GHR: variants seen among roughly 807,000 people sequenced by gnomAD.
GHR encodes the protein growth hormone receptor.
Under a neutral mutation model 67.1 loss-of-function variants are expected in GHR, and 35 were observed. That is an observed-to-expected ratio of 0.52 (90% CI 0.40 to 0.69). GHR has a LOEUF of 0.69. Among genes scored for constraint, GHR ranks in the 30% least tolerant of loss-of-function variants. GHR has a pLI of 0.00. For missense variants in GHR, 792 were observed against 764.6 expected (o/e 1.04, Z -0.42); for synonymous variants, 272 against 269.1 (o/e 1.01, Z -0.10).
Position 42,668,745 on chromosome 5 carries a change from C to A in GHR, c.137-20145C>A, listed in dbSNP as rs374906896. On this transcript the variant is annotated intron_variant, in intron 3 of 9. Coordinates refer to ENST00000230882, the MANE Select transcript of GHR (RefSeq NM_000163.5). ...TTATCTTTGTATTTGTCATCTTGGT[C>A]ATTCTCTTTATAAAAATAGAGGTAT... is the stretch of plus-strand genomic sequence containing the variant. Among the ~76,000 whole-genome samples, 15 of 152,178 alleles carry A rather than the reference C, an allele frequency of 9.9e-5. No homozygotes were observed. In the East Asian group the frequency reaches 1.7e-3, roughly 18 times the overall value.
intron 2 of GHR, among the ~76,000 whole-genome samples, chr5:42,574,103 A>G (rs1312682906): frequency 4.6e-5 from 7 of 152,302 alleles, no homozygotes; most frequent in Admixed American, 3.3e-4. Flanking sequence ...TCTACATGCC[A>G]CTGACCCACT....
chr5:42,512,625 G>T (rs1239502249), intron 1 of GHR, among the ~76,000 whole-genome samples: 2 of 152,016 alleles, frequency 1.3e-5, no homozygotes, highest in Non-Finnish European at 2.9e-5. Context: ...CAACCTACTT[G>T]TTTATGTGTC....
chr5:42,446,557 A>G lies in GHR; in HGVS notation c.-12+22602A>G, dbSNP rs182905681. 1.7e-4 allele frequency among the ~76,000 whole-genome samples: 26 copies of G among 152,342 alleles called. 1 individual carries two copies. The East Asian group carries it at 4.8e-3, about 28-fold the overall frequency. ...ATTTCTTATGTCAGTAAGTAACATGATCAGATTTGTTATTTTAGCAAGACA... is the reference window on the plus strand; with the variant it reads ...ATTTCTTATGTCAGTAAGTAACATGGTCAGATTTGTTATTTTAGCAAGACA... On this transcript the variant is annotated intron_variant, in intron 1 of 9. Transcript: ENST00000230882.
At chr5:42,450,155 C>T (rs1743985040) in intron 1 of GHR, among the ~76,000 whole-genome samples, 1 of 152,130 alleles carries the variant, frequency 6.6e-6, no homozygotes, top group African/African-American at 2.4e-5. Context: ...ATACTGGCTT[C>T]ATAGAATGAT....
chr5:42,506,292 C>G (rs1372020681), intron 1 of GHR, among the ~76,000 whole-genome samples: 3 of 151,722 alleles, frequency 2.0e-5, no homozygotes, highest in Non-Finnish European at 4.4e-5. Flanking sequence ...TGAGATGGAC[C>G]CTCTTATGAT....
rs1158830359 is a variant in GHR, at chr5:42,424,171, A to AGTGTGTGTGTGTGTGTGTGTGTGT, written c.-12+241_-12+264dup. Among the ~76,000 whole-genome samples, 9 of 100,578 alleles carry AGTGTGTGTGTGTGTGTGTGTGTGT rather than the reference A, an allele frequency of 8.9e-5. No homozygotes were observed. The highest frequency in any genetic ancestry group is 1.7e-4 in the African/African-American group (4 of 24,226). 66.0% of individuals were successfully genotyped at this position (100,578 alleles called of 152,430 possible). A position where few individuals can be genotyped will look rare whatever the true frequency, so the allele number is the denominator to read the frequency against. ...CTGGTGGGTTGTTGTAACCCAATCT[A>AGTGTGTGTGTGTGTGTGTGTGTGT]GTGTGTGTGTGTGTGTGTGTGTGTG... On this transcript the variant is annotated intron_variant, in intron 1 of 9. Transcript: ENST00000230882. The surrounding 1 kb of genome is among the most constrained non-coding windows in gnomAD (Gnocchi z 4.1).
At chr5:42,467,586 A>T in intron 1 of GHR, 1 of 1,593,128 alleles carries the variant, frequency 6.3e-7, no homozygotes, top group Non-Finnish European at 8.6e-7. Context: ...TTTGATATAC[A>T]GTCAGATTTG....
chr5:42,575,748 AAG>A (rs1296414568), intron 2 of GHR, among the ~76,000 whole-genome samples: 3 of 151,634 alleles, frequency 2.0e-5, no homozygotes, highest in Non-Finnish European at 4.4e-5. Context: ...AAAAAAGGTA[AAG>A]AGGGGCTGGG....
intron 1 of GHR, among the ~76,000 whole-genome samples, chr5:42,499,683 G>A (rs1348116265): frequency 1.3e-5 from 2 of 152,222 alleles, no homozygotes; most frequent in African/African-American, 4.8e-5. Flanking sequence ...AGGGAATCAA[G>A]TTCAGGAGGG....
At chr5:42,699,333 G>A (rs1010050541) in intron 5 of GHR, among the ~76,000 whole-genome samples, 3 of 31,528 alleles carry the variant, frequency 9.5e-5, no homozygotes, top group Admixed American at 6.6e-4. Context: ...AGGCAAAGAT[G>A]AGTCAGGGAA....
At chr5:42,716,182 AC>A (rs11343051) in intron 8 of GHR, among the ~76,000 whole-genome samples, 345 of 151,542 alleles carry the variant, frequency 2.3e-3, no homozygotes, top group African/African-American at 7.3e-3. Context: ...AAAAAAAAAA[AC>A]AAAACAGCGA....
intron 2 of GHR, among the ~76,000 whole-genome samples, chr5:42,618,636 A>G (rs1158294700): frequency 6.6e-6 from 1 of 152,190 alleles, no homozygotes; most frequent in East Asian, 1.9e-4. Flanking sequence ...AGTGACATAT[A>G]TAATAAATAC....
rs192186931 is a variant in GHR, at chr5:42,717,309, A to T, written c.876-743A>T. On this transcript the variant is annotated intron_variant, in intron 8 of 9. Transcript: ENST00000230882. ...GTAAGACCCTGTCTCAAAAAGTTTT[A>T]AAAAAAATTAAAAACACCATAAATT... Among the ~76,000 whole-genome samples the T allele has an allele frequency of 9.3e-4, 141 of 152,214 alleles. 3 individuals carry two copies. The highest frequency in any genetic ancestry group is 3.1e-3 in the African/African-American group (128 of 41,544).
intron 1 of GHR, among the ~76,000 whole-genome samples, chr5:42,481,144 T>C (rs1325127742): frequency 6.6e-6 from 1 of 152,160 alleles, no homozygotes; most frequent in African/African-American, 2.4e-5. Flanking sequence ...CCTTCACTTA[T>C]GAAGCTTAGT....
At chr5:42,654,885 T>TGCA (rs1364705371) in intron 3 of GHR, among the ~76,000 whole-genome samples, 5 of 152,264 alleles carry the variant, frequency 3.3e-5, no homozygotes, top group Admixed American at 2.6e-4. Context: ...GACTATTGAT[T>TGCA]GCAGCCACTT....
At chr5:42,689,695 T>TA (rs1175809997) in intron 4 of GHR, among the ~76,000 whole-genome samples, 1 of 152,218 alleles carries the variant, frequency 6.6e-6, no homozygotes, top group East Asian at 1.9e-4. Flanking sequence ...AGGAGAGTGA[T>TA]ATGGGAAGGG....
chr5:42,631,461 C>A (rs78634798), intron 3 of GHR, among the ~76,000 whole-genome samples: 1 of 152,134 alleles, frequency 6.6e-6, no homozygotes, highest in East Asian at 1.9e-4. Context: ...TCATCACGAG[C>A]CTCACATCCA....
In GHR at chr5:42,719,700, A is replaced by C. The variant is rs1758925758; in HGVS notation, c.*276A>C. ...GATTGTCTTAATATTGTGGGTGTTA[A>C]TTTTTGATACTAAGCATTGAATGGC... On this transcript the variant is annotated 3_prime_UTR_variant, in exon 10 of 10. Transcript: ENST00000230882. 9.2e-6 allele frequency: 4 copies of C among 435,300 alleles called. No homozygotes were observed. The allele number at this position is 435,300 out of a possible 1,614,324, so 27.0% of individuals were successfully genotyped here.
chr5:42,717,680 C>T (rs1188275974), intron 8 of GHR, among the ~76,000 whole-genome samples: 3 of 152,034 alleles, frequency 2.0e-5, no homozygotes, highest in Non-Finnish European at 1.5e-5. Flanking sequence ...ATGAGATGTA[C>T]ACTAGAATTG....
Sources: gnomAD v4.1 joint callset for allele counts (sites outside exome capture counted in the v4.1 genomes callset) on GRCh38, gnomAD v4.1.1 for gene constraint, Gnocchi (gnomAD v3.1) non-coding constraint, MANE v1.5 for transcripts, NCBI Gene and HGNC (gene_info 2026-07-23, HGNC 2026-07-21) for gene names.